Variants in AAAS observed in about 807,000 individuals in gnomAD.
AAAS encodes aladin.
Under a neutral mutation model 75.6 loss-of-function variants are expected in AAAS, and 60 were observed. The ratio of observed to expected loss-of-function variants is 0.79; its 90% CI spans 0.64 to 0.98. AAAS has a LOEUF of 0.98. AAAS is among the 50% of genes least tolerant of loss of function. The pLI, the probability that AAAS is intolerant of heterozygous loss-of-function variation, is 0.00. For missense variants in AAAS, 658 were observed against 686.9 expected (o/e 0.96, Z 0.47); for synonymous variants, 271 against 265.0 (o/e 1.02, Z -0.22).
chr12:53,309,781 C>T, intron 7 of AAAS, 60 bp from the exon 8 acceptor site: 1 of 1,594,094 alleles, frequency 6.3e-7, no homozygotes, highest in Non-Finnish European at 8.5e-7. Flanking sequence ...CCCCAAAATT[C>T]TATTTCTTTG....
rs113635763 is a variant in AAAS, at chr12:53,308,840, G to T, written c.997-25C>A. 6.8e-4 allele frequency: 1,092 copies of T among 1,613,838 alleles called. 7 individuals carry two copies. In the African/African-American group the frequency reaches 0.013, roughly 19 times the overall value. On this transcript the variant is annotated intron_variant, in intron 10 of 15. Coordinates refer to ENST00000209873, the MANE Select transcript of AAAS (RefSeq NM_015665.6). ...TCTGGGGTCAGGGAGCAAAAGGCAG[G>T]AGAAGGTATGTCTATAGTAGAATGC...
chr12:53,321,551 A>G lies in AAAS; in HGVS notation c.-86T>C. 4 of 1,604,600 alleles carry G rather than the reference A, an allele frequency of 2.5e-6. No individual in the cohort carries two copies. Among genetic ancestry groups the G allele is most frequent in the Non-Finnish European group, 3.4e-6 (4 of 1,177,982 alleles). On this transcript the variant is annotated 5_prime_UTR_variant, in exon 1 of 16. Coordinates refer to ENST00000209873, the MANE Select transcript of AAAS (RefSeq NM_015665.6). The stretch of plus-strand genomic sequence containing the variant: ...ACTCCCGCAACTCGGTTCCCGGGCT[A>G]GATTCGTATGCGGACGGGTACCGCA...
chr12:53,315,958 A>G (rs953415102), intron 2 of AAAS, among the ~76,000 whole-genome samples, 176 bp from the exon 3 acceptor site: 1 of 152,182 alleles, frequency 6.6e-6, no homozygotes, highest in Non-Finnish European at 1.5e-5. Flanking sequence ...CACAAATCTG[A>G]ACGAGATTCT....
In AAAS at chr12:53,309,168, TGAA is replaced by T; in HGVS notation, c.921_923del (p.Ser308del). On this transcript the variant is annotated inframe_deletion, in exon 9 of 16. Transcript: ENST00000209873. ...CTTGTCCCACTCACCGAAAGACAGCTGAAGGAGTGGTAGCCAGGATTTTGCTGC... is the reference window on the plus strand; with the variant it reads ...CTTGTCCCACTCACCGAAAGACAGCTGGAGTGGTAGCCAGGATTTTGCTGC... 1.2e-6 allele frequency: 2 copies of T among 1,614,124 alleles called. No individual in the cohort carries two copies. The highest frequency in any genetic ancestry group is 1.7e-6 in the Non-Finnish European group (2 of 1,180,032).
At chr12:53,308,939 T>C (rs1944340913) in intron 10 of AAAS, 21 bp downstream of exon 10, 1 of 1,614,146 alleles carries the variant, frequency 6.2e-7, no homozygotes, top group East Asian at 2.2e-5. Context: ...CCAGTGTCTG[T>C]GAATCAGAGT....
In AAAS at chr12:53,307,730, G is replaced by A. The variant is rs1046970581; in HGVS notation, c.1417-17C>T. On this transcript the variant is annotated splice_polypyrimidine_tract_variant and intron_variant, in intron 15 of 15. Coordinates refer to ENST00000209873, the MANE Select transcript of AAAS (RefSeq NM_015665.6). Reference sequence around the variant, plus strand: ...GGACCAGCCCTGCAGAGAAGGGAAAGAAAAGGATCAGAGTCTGGGCCCAAA... The same window carrying A: ...GGACCAGCCCTGCAGAGAAGGGAAAAAAAAGGATCAGAGTCTGGGCCCAAA... 6.2e-7 allele frequency: 1 copy of A among 1,613,886 alleles called. No homozygotes were observed. Among genetic ancestry groups the A allele is most frequent in the Non-Finnish European group, 8.5e-7 (1 of 1,179,978 alleles).
chr12:53,308,490 T>C lies in AAAS; in HGVS notation c.1126A>G (p.Thr376Ala). The change falls in exon 12 of 16, where the codon ACG becomes GCG. Residue 376 changes from threonine to alanine, a missense_variant. Transcript: ENST00000209873. The stretch of plus-strand genomic sequence containing the variant: ...GTCTCAGACAGATCTGCCACAATCG[T>C]TGCTGACTTTGCACCTCCAACGCAC... ...KGCVGGAKSA[T>A]IVADLSETTI... 4 of 1,614,218 alleles carry C rather than the reference T, an allele frequency of 2.5e-6. No homozygotes were observed. Among genetic ancestry groups the C allele is most frequent in the Non-Finnish European group, 3.4e-6 (4 of 1,180,042 alleles).
intron 2 of AAAS, among the ~76,000 whole-genome samples, chr12:53,319,752 C>T (rs1261221345): frequency 3.5e-5 from 5 of 141,036 alleles, no homozygotes; most frequent in African/African-American, 8.2e-5. Context: ...TGCAGTGAGC[C>T]GAGATCGCAC....
intron 7 of AAAS, 127 bp from the exon 8 acceptor site, chr12:53,309,848 GA>G: frequency 7.4e-7 from 1 of 1,352,174 alleles, no homozygotes. Flanking sequence ...TCCAGGTTGT[GA>G]AAAAGGAATA....
rs1180661737 is a variant in AAAS, at chr12:53,315,659, G to T, written c.307+68C>A. On this transcript the variant is annotated intron_variant, in intron 3 of 15. Transcript: ENST00000209873. The stretch of plus-strand genomic sequence containing the variant: ...AGAGGCTGAGCCAACAGGTGTCGGG[G>T]GTGAGTTCAAGAATATGGAGAGGAG... The T allele has an allele frequency of 1.4e-5, 22 of 1,564,154 alleles. No individual in the cohort carries two copies. The South Asian group carries it at 2.3e-4, about 16-fold the overall frequency.
chr12:53,314,137 A>G (rs1944430165), intron 7 of AAAS, among the ~76,000 whole-genome samples, 161 bp downstream of exon 7: 1 of 152,138 alleles, frequency 6.6e-6, no homozygotes, highest in African/African-American at 2.4e-5. Context: ...TCCAGATTAG[A>G]GTATTCTCAG....
intron 5 of AAAS, 80 bp from the exon 6 acceptor site, chr12:53,314,929 A>G: frequency 6.6e-7 from 1 of 1,510,436 alleles, no homozygotes; most frequent in Non-Finnish European, 9.1e-7. Flanking sequence ...TCCAGTAAGG[A>G]CATGGTTTTT....
Position 53,320,627 on chromosome 12 carries a change from A to T in AAAS, c.189T>A (p.His63Gln). ...DPLKTPGRLD[H>Q]GTRTAFIHHR... The stretch of plus-strand genomic sequence containing the variant: ...GATGGATGAAGGCAGTTCTTGTGCC[A>T]TGGTCCAGCCTTCCAGGGGTCTTTA... The change falls in exon 2 of 16, where the codon CAT becomes CAA. Residue 63 changes from histidine to glutamine, a missense_variant. Transcript: ENST00000209873. 3 of 1,614,162 alleles carry T rather than the reference A, an allele frequency of 1.9e-6. No homozygotes were observed. In the South Asian group the frequency reaches 3.3e-5, roughly 18 times the overall value.
intron 7 of AAAS, chr12:53,309,964 G>A (rs1944361331): frequency 3.4e-6 from 2 of 580,902 alleles, no homozygotes; most frequent in Non-Finnish European, 6.0e-6. Context: ...TCAGGCCAGG[G>A]TGAAAGAGTG....
rs1944539061 is a variant in AAAS, at chr12:53,320,684, A to G, written c.132T>C (p.Asn44=). ...CCTTTGTCAGTTGTAGGACAGGAAG[A>G]TTGATCCACTATAGCACAAAAGTGA... ...PPPDFRGQWI[N]LPVLQLTKDP... is the part of the protein sequence containing the mutation. The change falls in exon 2 of 16, where the codon AAT becomes AAC. Residue 44 remains asparagine (N), a synonymous_variant. Transcript: ENST00000209873. 6.2e-7 allele frequency: 1 copy of G among 1,614,116 alleles called. No homozygotes were observed. Among genetic ancestry groups the G allele is most frequent in the Non-Finnish European group, 8.5e-7 (1 of 1,179,982 alleles).
rs1368103813 is a variant in AAAS at position 53,314,495 on chromosome 12, G to T, written c.546-54C>A. 5 of 1,610,236 alleles carry T rather than the reference G, an allele frequency of 3.1e-6. No individual in the cohort carries two copies. In the Admixed American group the frequency reaches 5.0e-5, roughly 16 times the overall value. ...AAGGCAGGAACACTAAGGCTCCAGG[G>T]ACCAGAGTGCAGTTAAGGAGGGAAA... On this transcript the variant is annotated intron_variant, in intron 6 of 15. Transcript: ENST00000209873.
At chr12:53,317,187 G>A (rs925834319) in intron 2 of AAAS, among the ~76,000 whole-genome samples, 1 of 152,162 alleles carries the variant, frequency 6.6e-6, no homozygotes, top group Non-Finnish European at 1.5e-5. Context: ...CACGCTGGGA[G>A]GCCAAGGCAG....
rs755146590 is a variant in AAAS at position 53,309,146 on chromosome 12, G to C, written c.935+11C>G. 6.2e-7 allele frequency: 1 copy of C among 1,614,144 alleles called. No individual in the cohort carries two copies. Among genetic ancestry groups the C allele is most frequent in the Non-Finnish European group, 8.5e-7 (1 of 1,180,028 alleles). On this transcript the variant is annotated intron_variant, in intron 9 of 15. Transcript: ENST00000209873. ...AGGTCCTTGCCCTCCCTCCATCCTT[G>C]TCCCACTCACCGAAAGACAGCTGAA...
In AAAS at chr12:53,314,477, G is replaced by A. The variant is rs1418761342; in HGVS notation, c.546-36C>T. 2.5e-6 allele frequency: 4 copies of A among 1,613,054 alleles called. No homozygotes were observed. In the South Asian group the frequency reaches 3.3e-5, roughly 13 times the overall value. ...GGGGCAGGAAACTGAGTCAAGGCAG[G>A]AACACTAAGGCTCCAGGGACCAGAG... On this transcript the variant is annotated intron_variant, in intron 6 of 15. Transcript: ENST00000209873.
Sources: allele counts gnomAD v4.1 joint callset (sites outside exome capture counted in the v4.1 genomes callset), GRCh38; gene constraint gnomAD v4.1.1; transcripts MANE v1.5; gene names NCBI Gene and HGNC (gene_info 2026-07-23, HGNC 2026-07-21).